Variants in STRA6 observed in about 807,000 individuals in gnomAD.
The protein encoded by STRA6 is signaling receptor and transporter of retinol STRA6, also known as receptor for retinol uptake STRA6.
Under a neutral mutation model 83.6 loss-of-function variants are expected in STRA6, and 48 were observed. The ratio of observed to expected loss-of-function variants is 0.57; its 90% CI spans 0.46 to 0.73. The LOEUF (loss-of-function observed/expected upper bound fraction) is 0.73. Ranked by LOEUF, STRA6 falls within the 30% of genes least tolerant of loss-of-function variation. STRA6 has a pLI of 0.00. For synonymous variants in STRA6, 353 were observed against 362.3 expected, an observed-to-expected ratio of 0.97 and a Z score of 0.29; for missense variants, 760 against 838.8, an observed-to-expected ratio of 0.91 and a Z score of 1.16.
chr15:74,194,794 C>A (rs1390805768), intron 7 of STRA6: 1 of 1,282,704 alleles, frequency 7.8e-7, no homozygotes, highest in Non-Finnish European at 9.8e-7. Context: ...GGTTGTCTGG[C>A]TCTAAAGCCT....
rs1195376512 is a variant in STRA6, at chr15:74,208,099, T to TGAG, written c.-16+698_-16+700dup. ...GTTCTGGTATGAGGGTGGACACTGG[T>TGAG]GAGGAGGAGGAGGGTAGCCGGCTGT... is the stretch of plus-strand genomic sequence containing the variant. On this transcript the variant is annotated intron_variant, in intron 1 of 18. Transcript: ENST00000323940. The TGAG allele has an allele frequency of 6.0e-6, 7 of 1,168,058 alleles. No homozygotes were observed. In the African/African-American group the frequency reaches 1.1e-4, roughly 18 times the overall value. 72.4% of individuals were successfully genotyped at this position (1,168,058 alleles called of 1,614,324 possible). A position where few individuals can be genotyped will look rare whatever the true frequency, so the allele number is the denominator to read the frequency against.
At position 74,194,832 on chromosome 15, in the gene STRA6, G is replaced by A. The variant is rs530841338; in HGVS notation, c.597+470C>T. The A allele has an allele frequency of 5.6e-5, 75 of 1,344,130 alleles. 2 individuals are homozygous for A. The South Asian group carries it at 8.2e-4, about 15-fold the overall frequency. The allele number at this position is 1,344,130 out of a possible 1,614,324, so 83.3% of individuals were successfully genotyped here. A position where few individuals can be genotyped will look rare whatever the true frequency, so the allele number is the denominator to read the frequency against. ...ACCATCACTCTTTGAGTTCTAGACTGGACAGCTTCACAGCCCCAGCCAGCA... is the reference window on the plus strand; with the variant it reads ...ACCATCACTCTTTGAGTTCTAGACTAGACAGCTTCACAGCCCCAGCCAGCA... On this transcript the variant is annotated intron_variant, in intron 7 of 18. Transcript: ENST00000395105.
chr15:74,193,708 C>T, intron 8 of STRA6, 92 bp downstream of exon 8: 1 of 1,583,498 alleles, frequency 6.3e-7, no homozygotes, highest in East Asian at 2.3e-5. Flanking sequence ...GGCCCTACAT[C>T]AAGCACGGCC....
At position 74,190,858 on chromosome 15, in the gene STRA6, T is replaced by A; in HGVS notation, c.909A>T (p.Thr303=). The A allele has an allele frequency of 6.2e-7, 1 of 1,614,088 alleles. No homozygotes were observed. Residue 303 remains threonine (T), a synonymous_variant, in exon 11 of 19, where the codon ACA becomes ACT. Coordinates refer to ENST00000395105, the MANE Select transcript of STRA6 (RefSeq NM_022369.4). The part of the protein sequence containing the change: ...PLKLVLSATL[T]GTAIYQVALL... The stretch of plus-strand genomic sequence containing the variant: ...GACATACCTGGTAAATGGCCGTCCC[T>A]GTCAGTGTAGCTGAAAGCACCAGCT...
chr15:74,182,255 A>C lies in STRA6; in HGVS notation c.1426T>G (p.Trp476Gly), dbSNP rs763885774. 1 of 1,614,118 alleles carries C rather than the reference A, an allele frequency of 6.2e-7. No individual in the cohort carries two copies. The highest frequency in any genetic ancestry group is 8.5e-7 in the Non-Finnish European group (1 of 1,179,968). The stretch of plus-strand genomic sequence containing the variant: ...ATCACAGCCAGGGCCAAAGTCAGCC[A>C]GAAGGGCCTGCCAGTGGGGTGGGGA... ...FRSLESSWPFWLTLALAVILQ... is the reference protein window; with the variant it reads ...FRSLESSWPFGLTLALAVILQ... The change falls in exon 16 of 19, where the codon TGG (tryptophan) becomes GGG (glycine). Residue 476 changes from tryptophan to glycine, a missense_variant. Trp to Gly is a radical substitution (Grantham distance 184, BLOSUM62 -2). Transcript: ENST00000395105.
At chr15:74,200,512 T>G (rs994906367) in intron 2 of STRA6, among the ~76,000 whole-genome samples, 1 of 152,176 alleles carries the variant, frequency 6.6e-6, no homozygotes, top group African/African-American at 2.4e-5. Context: ...CCACCCCAAC[T>G]CCAGCCTGAG....
Position 74,182,202 on chromosome 15 carries a change from G to A in STRA6, c.1479C>T (p.Val493=). 1 of 1,614,186 alleles carries A rather than the reference G, an allele frequency of 6.2e-7. No individual in the cohort carries two copies. Among genetic ancestry groups the A allele is most frequent in the Non-Finnish European group, 8.5e-7 (1 of 1,180,018 alleles). The change falls in exon 16 of 19, where the codon GTC becomes GTT. Residue 493 remains valine, a synonymous_variant. Coordinates refer to ENST00000395105, the MANE Select transcript of STRA6 (RefSeq NM_022369.4). ...GGTGTCCATCATGAGTCTCCAGGAA[G>A]ACCCAATGGGCTGCCATGTTCTGCA... ...VILQNMAAHW[V]FLETHDGHPQ... is the part of the protein sequence containing the mutation.
At position 74,202,171 on chromosome 15, in the gene STRA6, C is replaced by A; in HGVS notation, c.97G>T (p.Glu33Ter). 6.6e-7 allele frequency: 1 copy of A among 1,505,782 alleles called. No homozygotes were observed. Among genetic ancestry groups the A allele is most frequent in the Non-Finnish European group, 8.9e-7 (1 of 1,129,624 alleles). 93.3% of individuals were successfully genotyped at this position (1,505,782 alleles called of 1,614,324 possible). A position where few individuals can be genotyped will look rare whatever the true frequency, so the allele number is the denominator to read the frequency against. The stretch of plus-strand genomic sequence containing the variant: ...CACACTTACCCCTCTGGCTGGAGCT[C>A]CTCGCCCCCCTGGGGCTCATCGATG... ...WYIDEPQGGE[E>*]LQPEGEVPSC... Residue 33 changes from glutamate to a stop codon, truncating the protein, a stop_gained, in exon 2 of 19, where the codon GAG (glutamate) becomes TAG (stop). Transcript: ENST00000395105. LOFTEE classifies it high-confidence loss of function.
chr15:74,201,257 G>GT (rs1347655971), intron 2 of STRA6, among the ~76,000 whole-genome samples: 2 of 152,326 alleles, frequency 1.3e-5, no homozygotes, highest in African/African-American at 2.4e-5. Context: ...TCCTTCTCAA[G>GT]TTTCAGGTTT....
At chr15:74,200,019 C>T (rs2073986283) in intron 2 of STRA6, among the ~76,000 whole-genome samples, 2 of 152,258 alleles carry the variant, frequency 1.3e-5, no homozygotes, top group Admixed American at 6.5e-5. Flanking sequence ...GAGTTTGAGA[C>T]CAGCCTGGCC....
In STRA6 at chr15:74,194,941, T is replaced by C. The variant is rs570448319; in HGVS notation, c.597+361A>G. 45 of 1,425,278 alleles carry C rather than the reference T, an allele frequency of 3.2e-5. No individual in the cohort carries two copies. In the South Asian group the frequency reaches 5.0e-4, roughly 16 times the overall value. The allele number at this position is 1,425,278 out of a possible 1,614,324, so 88.3% of individuals were successfully genotyped here. Reference sequence around the variant, plus strand: ...CTGACTTCGCACTTGCCGGCCTCCATCAAGCTTCACTCCCATTCCCTCTCC... The same window carrying C: ...CTGACTTCGCACTTGCCGGCCTCCACCAAGCTTCACTCCCATTCCCTCTCC... On this transcript the variant is annotated intron_variant, in intron 7 of 18. Transcript: ENST00000395105.
chr15:74,191,195 C>G lies in STRA6; in HGVS notation c.837G>C (p.Leu279Phe). 1 of 1,613,994 alleles carries G rather than the reference C, an allele frequency of 6.2e-7. No homozygotes were observed. Among genetic ancestry groups the G allele is most frequent in the Non-Finnish European group, 8.5e-7 (1 of 1,179,988 alleles). Residue 279 changes from leucine to phenylalanine, a missense_variant, in exon 10 of 19, where the codon TTG becomes TTC. Transcript: ENST00000395105. ...HGFLSWARVC[L>F]RHCIYTPQPG... ...GCTGTGGAGTGTAGATGCAGTGTCT[C>G]AAGCAGACGCGGGCCCAGGACAGGA...
In STRA6 at chr15:74,207,912, C is replaced by T. The variant is rs140063301; in HGVS notation, c.-16+888G>A. On this transcript the variant is annotated intron_variant, in intron 1 of 18. Transcript: ENST00000323940. ...GCAGTGTCGTCGGCTGCCGTGCTCA[C>T]GGCAGGAAGAGTATGGGTGACTCTC... The T allele has an allele frequency of 2.8e-4, 412 of 1,480,788 alleles. 2 individuals are homozygous for T. The East Asian group carries it at 8.8e-3, about 32-fold the overall frequency. The allele number at this position is 1,480,788 out of a possible 1,614,324, so 91.7% of individuals were successfully genotyped here.
At position 74,208,828 on chromosome 15, in the gene STRA6, C is replaced by G. The variant is rs147740734; in HGVS notation, c.-44G>C. The G allele has an allele frequency of 5.4e-3, 5,389 of 989,096 alleles. 27 individuals are homozygous for G. Among genetic ancestry groups the G allele is most frequent in the Non-Finnish European group, 6.1e-3 (5,068 of 832,380 alleles). The allele number at this position is 989,096 out of a possible 1,614,324, so 61.3% of individuals were successfully genotyped here. A position where few individuals can be genotyped will look rare whatever the true frequency, so the allele number is the denominator to read the frequency against. ...CAATCAAGCGCTCTCCTGACCTCTC[C>G]CTTCCTTGTCTCTTTCCTTTCCTTT... On this transcript the variant is annotated 5_prime_UTR_variant, in exon 1 of 19. Transcript: ENST00000323940.
upstream of STRA6, chr15:74,209,430 C>T (rs575482209): frequency 5.7e-5 from 88 of 1,535,570 alleles, no homozygotes; most frequent in East Asian, 1.5e-3. Flanking sequence ...ACCACCAGCT[C>T]GGCTCTTAAT....
At chr15:74,195,212 T>C in intron 7 of STRA6, 90 bp downstream of exon 7, 1 of 1,558,462 alleles carries the variant, frequency 6.4e-7, no homozygotes, top group African/African-American at 1.3e-5. Context: ...GGGCGGCCCA[T>C]CATAGAATCA....
upstream of STRA6, among the ~76,000 whole-genome samples, chr15:74,210,447 C>G (rs1018452659): frequency 6.6e-6 from 1 of 152,140 alleles, no homozygotes; most frequent in Non-Finnish European, 1.5e-5. Context: ...ATACATAAAT[C>G]GTGATCTCAT....
rs369751627 is a variant in STRA6 at position 74,188,258 on chromosome 15, G to A, written c.1090+857C>T. ...GATGTTAATGGTCAGGTACAGCTGC[G>A]GAGCAGCTACACCTCCACCTGCAAC... On this transcript the variant is annotated intron_variant, in intron 12 of 18. Coordinates refer to ENST00000395105, the MANE Select transcript of STRA6 (RefSeq NM_022369.4). This position sits in a 1 kb window ranked among gnomAD's most constrained non-coding sequence, Gnocchi z 4.5. Among the ~76,000 whole-genome samples the A allele has an allele frequency of 1.5e-4, 23 of 152,316 alleles. No homozygotes were observed. The highest frequency in any genetic ancestry group is 6.2e-4 in the South Asian group (3 of 4,824).
intron 7 of STRA6, 171 bp downstream of exon 7, chr15:74,195,131 T>C (rs577398925): frequency 2.9e-5 from 44 of 1,501,762 alleles, no homozygotes; most frequent in African/African-American, 8.3e-5. Flanking sequence ...CTGCCTCTCC[T>C]GCAGAGCAGC....
Sources: gnomAD v4.1 joint callset for allele counts (sites outside exome capture counted in the v4.1 genomes callset) on GRCh38, gnomAD v4.1.1 for gene constraint, Gnocchi (gnomAD v3.1) non-coding constraint, MANE v1.5 for transcripts, NCBI Gene and HGNC (gene_info 2026-07-23, HGNC 2026-07-21) for gene names.